Variants in FGD3 observed in about 807,000 individuals in gnomAD.
The protein encoded by FGD3 is FYVE, RhoGEF and PH domain-containing protein 3.
A neutral mutation model predicts 71.8 loss-of-function variants in FGD3; 45 were observed. The ratio of observed to expected loss-of-function variants is 0.63; its 90% CI spans 0.49 to 0.80. The LOEUF (loss-of-function observed/expected upper bound fraction) is 0.80. FGD3 is among the 30% of genes least tolerant of loss of function. FGD3 has a pLI of 0.00. For synonymous variants in FGD3, 378 were observed against 392.8 expected (o/e 0.96, Z 0.44); for missense variants, 844 against 951.5 (o/e 0.89, Z 1.49).
intron 14 of FGD3, among the ~76,000 whole-genome samples, chr9:93,027,398 T>C (rs1862153582): frequency 6.6e-6 from 1 of 152,196 alleles, no homozygotes; most frequent in South Asian, 2.1e-4. Flanking sequence ...TCACCTTGGC[T>C]TGGAGATGTC....
chr9:92,970,225 TC>T (rs1859483340), intron 1 of FGD3, among the ~76,000 whole-genome samples: 1 of 152,190 alleles, frequency 6.6e-6, no homozygotes, highest in Non-Finnish European at 1.5e-5. Flanking sequence ...GACAGAAACG[TC>T]CCCTGCGAAT....
intron 6 of FGD3, among the ~76,000 whole-genome samples, chr9:93,008,962 CAA>C (rs34328093): frequency 1.7e-4 from 24 of 137,772 alleles, no homozygotes; most frequent in South Asian, 2.4e-4. Flanking sequence ...AAGACTCCAT[CAA>C]AAAAAAAAAA....
Position 93,035,479 on chromosome 9 carries a change from C to G in FGD3, c.2068C>G (p.Leu690Val). 1.2e-6 allele frequency: 2 copies of G among 1,613,644 alleles called. No homozygotes were observed. Among genetic ancestry groups the G allele is most frequent in the East Asian group, 2.2e-5 (1 of 44,882 alleles). ...SWYLSASSAELQQQWLETLST... is the reference protein window; with the variant it reads ...SWYLSASSAEVQQQWLETLST... ...GTACCTGAGCGCCTCCTCCGCAGAG[C>G]TGCAGCAGCAGTGGCTGGAAACCCT... The change falls in exon 18 of 18, where the codon CTG becomes GTG. Residue 690 changes from leucine (L) to valine (V), a missense_variant. By Grantham distance (32) the Leu-to-Val change is conservative. Transcript: ENST00000375482.
intron 13 of FGD3, chr9:93,020,643 A>G (rs2118791242): frequency 3.8e-6 from 2 of 522,740 alleles, no homozygotes; most frequent in Non-Finnish European, 6.9e-6. Flanking sequence ...GGATGGGATA[A>G]CACCCACCCC....
chr9:93,015,653 G>A, intron 9 of FGD3, 84 bp from the exon 10 acceptor site: 3 of 855,170 alleles, frequency 3.5e-6, no homozygotes, highest in Non-Finnish European at 5.8e-6. Context: ...AAAATGAAAA[G>A]GATCCCATGT....
At chr9:93,017,977 G>A (rs974758616) in intron 10 of FGD3, among the ~76,000 whole-genome samples, 159 bp from the exon 11 acceptor site, 3 of 152,162 alleles carry the variant, frequency 2.0e-5, no homozygotes, top group African/African-American at 4.8e-5. Flanking sequence ...TAGCAGCCAC[G>A]CTGACCTAAG....
At chr9:93,018,751 G>T (rs1247550205) in intron 11 of FGD3, among the ~76,000 whole-genome samples, 2 of 152,186 alleles carry the variant, frequency 1.3e-5, no homozygotes, top group Non-Finnish European at 2.9e-5. Flanking sequence ...GGGACTCGGG[G>T]CGGTTTTAGT....
At chr9:93,029,019 TTTTTTTTTTTTTTTTTTTG>T (rs1862251214) in intron 14 of FGD3, among the ~76,000 whole-genome samples, 1 of 129,902 alleles carries the variant, frequency 7.7e-6, no homozygotes, top group Non-Finnish European at 1.6e-5. Flanking sequence ...TTTTTTTTTT[TTTTTTTTTTTTTTTTTTTG>T]AGACAGAATC....
rs1482232636 is a variant in FGD3 at position 92,969,528 on chromosome 9, T to C, written c.-217-5710T>C. Among the ~76,000 whole-genome samples, 2 of 152,224 alleles carry C rather than the reference T, an allele frequency of 1.3e-5. No individual in the cohort carries two copies. Among genetic ancestry groups the C allele is most frequent in the Non-Finnish European group, 2.9e-5 (2 of 68,034 alleles). On this transcript the variant is annotated intron_variant, in intron 1 of 17. Transcript: ENST00000375482. The surrounding 1 kb of genome is among the most constrained non-coding windows in gnomAD (Gnocchi z 4.5). ...CCACTAACGCGTTTGTTGCTCCCCCTACATAACATGCCATTGTTATGGAGC... is the reference window on the plus strand; with the variant it reads ...CCACTAACGCGTTTGTTGCTCCCCCCACATAACATGCCATTGTTATGGAGC...
In FGD3 at chr9:93,006,109, C is replaced by T. The variant is rs768103250; in HGVS notation, c.766C>T (p.Arg256Ter). 6 of 1,613,124 alleles carry T rather than the reference C, an allele frequency of 3.7e-6. No homozygotes were observed. Among genetic ancestry groups the T allele is most frequent in the Admixed American group, 1.7e-5 (1 of 59,830 alleles). ...CGGCGAGTATGTCAAGAACTTTGACCGAGCCGTAGGGCTGGTGAGCACGTG... is the reference window on the plus strand; with the variant it reads ...CGGCGAGTATGTCAAGAACTTTGACTGAGCCGTAGGGCTGGTGAGCACGTG... ...MYGEYVKNFD[R>*]AVGLVSTWTQ... The change falls in exon 6 of 18, where the codon CGA becomes TGA. Residue 256 changes from arginine (R) to a stop codon, truncating the protein, a stop_gained. Coordinates refer to ENST00000375482, the MANE Select transcript of FGD3 (RefSeq NM_001083536.2). LOFTEE classifies it high-confidence loss of function.
intron 9 of FGD3, 34 bp from the exon 10 acceptor site, chr9:93,015,703 C>T (rs947738830): frequency 2.1e-5 from 34 of 1,592,028 alleles, no homozygotes; most frequent in Non-Finnish European, 2.7e-5. Context: ...CTGCGGGCAG[C>T]TCTCGTTCCT....
intron 11 of FGD3, among the ~76,000 whole-genome samples, chr9:93,018,898 T>C (rs1192621511): frequency 6.6e-6 from 1 of 152,026 alleles, no homozygotes; most frequent in African/African-American, 2.4e-5. Context: ...CAGGCTGGAG[T>C]GCAGTGGCAC....
chr9:92,966,694 G>A (rs1435959684), intron 1 of FGD3, among the ~76,000 whole-genome samples: 1 of 152,132 alleles, frequency 6.6e-6, no homozygotes, highest in Non-Finnish European at 1.5e-5. Context: ...AAGGAAGGAG[G>A]GCAAGAGTGT....
chr9:93,003,002 C>A lies in FGD3; in HGVS notation c.531C>A (p.His177Gln). ...HTEETYVKRLHLLDQVFCTRL... is the reference protein window; with the variant it reads ...HTEETYVKRLQLLDQVFCTRL... The stretch of plus-strand genomic sequence containing the variant: ...AGGAGACCTATGTGAAGCGGCTGCA[C>A]CTGCTGGACCAGGTAGCCCACATGG... The change falls in exon 4 of 18, where the codon CAC (histidine) becomes CAA (glutamine). Residue 177 changes from histidine (H) to glutamine (Q), a missense_variant. Coordinates refer to ENST00000375482, the MANE Select transcript of FGD3 (RefSeq NM_001083536.2). This position sits in a 1 kb window ranked among gnomAD's most constrained non-coding sequence, Gnocchi z 4.1. The A allele has an allele frequency of 1.2e-6, 2 of 1,614,158 alleles. No individual in the cohort carries two copies. The highest frequency in any genetic ancestry group is 1.7e-6 in the Non-Finnish European group (2 of 1,180,032).
chr9:92,953,681 C>T (rs1470851193), intron 1 of FGD3, among the ~76,000 whole-genome samples: 1 of 152,210 alleles, frequency 6.6e-6, no homozygotes, highest in Admixed American at 6.5e-5. Context: ...ACTCTCCCAG[C>T]TGCCTGCCTG....
At chr9:93,001,925 C>T (rs565275159) in intron 3 of FGD3, among the ~76,000 whole-genome samples, 1 of 152,328 alleles carries the variant, frequency 6.6e-6, no homozygotes, top group South Asian at 2.1e-4. Context: ...GCTCTCTGCT[C>T]TTCCACCATG....
Position 93,030,760 on chromosome 9 carries a change from TGATGGATGGGTGGGTGGGTAGAAG to T in FGD3, c.1680+773_1680+796del, listed in dbSNP as rs1413922861. ...GTAGATGAGTCCTTGGAAGGATGGA[TGATGGATGGGTGGGTGGGTAGAAG>T]GATGGATGAATGGATGAGTGGTTGG... On this transcript the variant is annotated intron_variant, in intron 15 of 17. Transcript: ENST00000375482. Among the ~76,000 whole-genome samples, 7 of 148,756 alleles carry T rather than the reference TGATGGATGGGTGGGTGGGTAGAAG, an allele frequency of 4.7e-5. No individual in the cohort carries two copies. The East Asian group carries it at 7.9e-4, about 17-fold the overall frequency.
At chr9:92,979,934 G>T in intron 3 of FGD3, among the ~76,000 whole-genome samples, 1 of 148,592 alleles carries the variant, frequency 6.7e-6, no homozygotes. Context: ...TTTCATTTTA[G>T]TTGAGTCTTC....
intron 6 of FGD3, among the ~76,000 whole-genome samples, chr9:93,007,802 G>T (rs1410478662): frequency 6.6e-6 from 1 of 152,170 alleles, no homozygotes; most frequent in African/African-American, 2.4e-5. Flanking sequence ...TTGCCCCCCG[G>T]GGATCCCAGG....
Sources: allele counts gnomAD v4.1 joint callset (sites outside exome capture counted in the v4.1 genomes callset), GRCh38; gene constraint gnomAD v4.1.1; non-coding constraint Gnocchi (gnomAD v3.1); transcripts MANE v1.5; gene names NCBI Gene and HGNC (gene_info 2026-07-23, HGNC 2026-07-21).